The following MYH10 variants were observed in gnomAD, a reference collection of about 807,000 sequenced individuals.
The protein encoded by MYH10 is myosin heavy chain 10.
MYH10 carries 55 observed loss-of-function variants against 257.8 expected under a neutral mutation model. The ratio of observed to expected loss-of-function variants is 0.21; its 90% CI spans 0.17 to 0.27. The LOEUF (loss-of-function observed/expected upper bound fraction) is 0.27. Ranked by LOEUF, MYH10 falls within the 10% of genes least tolerant of loss-of-function variation. The pLI is 1.00. For missense variants in MYH10, 1,631 were observed against 2,500.6 expected, an observed-to-expected ratio of 0.65 and a Z score of 7.42; for synonymous variants, 854 against 921.7, an observed-to-expected ratio of 0.93 and a Z score of 1.33.
At chr17:8,548,436 AT>A (rs1310613774) in intron 10 of MYH10, 28 bp from the exon 11 acceptor site, 1 of 1,005,390 alleles carries the variant, frequency 9.9e-7, no homozygotes, top group African/African-American at 1.6e-5. Context: ...GAAAAAAAAA[AT>A]TAATATTGCC....
At chr17:8,478,486 G>A in intron 40 of MYH10, 40 bp from the exon 41 acceptor site, 1 of 1,583,616 alleles carries the variant, frequency 6.3e-7, no homozygotes, top group East Asian at 2.2e-5. Flanking sequence ...TTCTTGAAAT[G>A]GTATTTTGTG....
chr17:8,508,407 G>A (rs1013291749), intron 26 of MYH10, 147 bp downstream of exon 26: 1 of 1,126,720 alleles, frequency 8.9e-7, no homozygotes, highest in Non-Finnish European at 1.3e-6. Flanking sequence ...CCAGCCAAGG[G>A]ACCTATTTTA....
intron 2 of MYH10, among the ~76,000 whole-genome samples, chr17:8,613,541 T>C (rs1240218062): frequency 2.0e-5 from 3 of 152,180 alleles, no homozygotes; most frequent in African/African-American, 7.2e-5. Flanking sequence ...AGGATCCATG[T>C]TGGAATATGT....
At chr17:8,610,333 A>G (rs1351404190) in intron 2 of MYH10, among the ~76,000 whole-genome samples, 2 of 145,442 alleles carry the variant, frequency 1.4e-5, no homozygotes, top group African/African-American at 5.1e-5. Context: ...TCATGCTTGT[A>G]ACCCCAGCAC....
intron 7 of MYH10, 120 bp from the exon 8 acceptor site, chr17:8,554,138 T>A: frequency 6.3e-6 from 4 of 638,312 alleles, no homozygotes; most frequent in Non-Finnish European, 1.1e-5. Context: ...ATCTTATATA[T>A]TGCCTCAAAC....
chr17:8,546,541 T>G lies in MYH10; in HGVS notation c.1278+3A>C. 1 of 1,610,520 alleles carries G rather than the reference T, an allele frequency of 6.2e-7. No individual in the cohort carries two copies. The highest frequency in any genetic ancestry group is 8.5e-7 in the Non-Finnish European group (1 of 1,177,044). On this transcript the variant is annotated splice_donor_region_variant and intron_variant, in intron 12 of 42. Transcript: ENST00000360416. The stretch of plus-strand genomic sequence containing the variant: ...CAGTAATAACAATGAACATGAAACC[T>G]ACCTGTTCTTTGGTCTGGGCTTTTT...
At position 8,511,071 on chromosome 17, in the gene MYH10, T is replaced by TATATATATATATATATATATATAC. The variant is rs1336387130; in HGVS notation, c.2953-1123_2953-1122insGTATATATATATATATATATATAT. ...ATATATATATATATACACACATACA[T>TATATATATATATATATATATATAC]ACATACACACACACACACTTAATAT... On this transcript the variant is annotated intron_variant, in intron 24 of 42. Transcript: ENST00000360416. 2.4e-4 allele frequency: 20 copies of TATATATATATATATATATATATAC among 82,316 alleles called. No homozygotes were observed. The East Asian group carries it at 2.6e-3, about 11-fold the overall frequency. The allele number at this position is 82,316 out of a possible 1,614,324, so 5.1% of individuals were successfully genotyped here. A position where few individuals can be genotyped will look rare whatever the true frequency, so the allele number is the denominator to read the frequency against.
chr17:8,513,970 A>G, intron 21 of MYH10, 76 bp from the exon 22 acceptor site: 1 of 1,232,800 alleles, frequency 8.1e-7, no homozygotes, highest in Non-Finnish European at 1.2e-6. Context: ...AAGCCTTTCT[A>G]AAGGCCCGTG....
Position 8,506,519 on chromosome 17 carries a change from ACACAC to A in MYH10, c.3215-35_3215-31del, listed in dbSNP as rs2081078290. On this transcript the variant is annotated intron_variant, in intron 26 of 42. Coordinates refer to ENST00000360416, the MANE Select transcript of MYH10 (RefSeq NM_001256012.3). This position sits in a 1 kb window ranked among gnomAD's most constrained non-coding sequence, Gnocchi z 5.0. ...AAGGTAAGACATAAGAAGCTCTTCA[ACACAC>A]CGAGTGACTCACCACAGGAATAAAC... 6.3e-7 allele frequency: 1 copy of A among 1,596,648 alleles called. No homozygotes were observed. The highest frequency in any genetic ancestry group is 8.5e-7 in the Non-Finnish European group (1 of 1,174,792).
At chr17:8,482,775 A>G (rs1567771608) in intron 37 of MYH10, among the ~76,000 whole-genome samples, 1 of 152,222 alleles carries the variant, frequency 6.6e-6, no homozygotes, top group East Asian at 1.9e-4. Context: ...TTTCAGAAAA[A>G]ACAGTGTGGT....
intron 17 of MYH10, among the ~76,000 whole-genome samples, chr17:8,523,591 G>A (rs2081732034): frequency 6.6e-6 from 1 of 152,314 alleles, no homozygotes; most frequent in Middle Eastern, 3.4e-3. Context: ...AGGCACCAGT[G>A]TGAGGAGGAG....
rs879162852 is a variant in MYH10, at chr17:8,487,367, ACT to A, written c.5046+64_5046+65del. 4.4e-6 allele frequency: 7 copies of A among 1,590,692 alleles called. No individual in the cohort carries two copies. In the South Asian group the frequency reaches 7.8e-5, roughly 18 times the overall value. On this transcript the variant is annotated intron_variant, in intron 36 of 42. Coordinates refer to ENST00000360416, the MANE Select transcript of MYH10 (RefSeq NM_001256012.3). ...CTGTGCCCCCCAGCTTCACTGCTGG[ACT>A]CTGTGTAAAAGCCACATAGGTCACG...
chr17:8,509,959 AAC>A lies in MYH10; in HGVS notation c.2953-12_2953-11del, dbSNP rs748781709. 8 of 1,604,102 alleles carry A rather than the reference AAC, an allele frequency of 5.0e-6. No individual in the cohort carries two copies. The highest frequency in any genetic ancestry group is 1.7e-4 in the Middle Eastern group (1 of 6,034). On this transcript the variant is annotated splice_polypyrimidine_tract_variant and intron_variant, in intron 24 of 42. Transcript: ENST00000360416. ...GCTGTTCTTCCAGGTCCTTGTGAAG[AAC>A]ACACAGTCAGTCTCGCCACTTTCTC...
chr17:8,530,714 C>A (rs1197735810), intron 16 of MYH10, 29 bp from the exon 17 acceptor site: 8 of 1,505,372 alleles, frequency 5.3e-6, no homozygotes, highest in Non-Finnish European at 7.2e-6. Context: ...AAAAACAGGA[C>A]AGAAGAGCAA....
rs1190716850 is a variant in MYH10, at chr17:8,596,437, CCA to C, written c.503-7331_503-7330del. 5.4e-4 allele frequency among the ~76,000 whole-genome samples: 82 copies of C among 152,308 alleles called. 1 individual carries two copies. The highest frequency in any genetic ancestry group is 1.5e-3 in the African/African-American group (64 of 41,564). ...CCCAAGCTGGGATTATGGGCGTAAG[CCA>C]CTGTGCCTGGCCCATTTTCTGACTT... is the stretch of plus-strand genomic sequence containing the variant. On this transcript the variant is annotated intron_variant, in intron 3 of 42. Transcript: ENST00000360416.
intron 3 of MYH10, 117 bp from the exon 4 acceptor site, chr17:8,589,225 C>A: frequency 9.9e-7 from 1 of 1,010,750 alleles, no homozygotes. Flanking sequence ...CTACTCCTCT[C>A]GAGCCAAGTT....
At position 8,477,070 on chromosome 17, in the gene MYH10, A is replaced by C. The variant is rs1567759560; in HGVS notation, c.5707-22T>G. ...CCATCTTGGGGAGGGTACATGAACCAAAACAAACCAAACTGGTGAATCCAG... is the reference window on the plus strand; with the variant it reads ...CCATCTTGGGGAGGGTACATGAACCCAAACAAACCAAACTGGTGAATCCAG... On this transcript the variant is annotated intron_variant, in intron 41 of 42. Coordinates refer to ENST00000360416, the MANE Select transcript of MYH10 (RefSeq NM_001256012.3). This position sits in a 1 kb window ranked among gnomAD's most constrained non-coding sequence, Gnocchi z 4.2. 4 of 1,612,846 alleles carry C rather than the reference A, an allele frequency of 2.5e-6. No homozygotes were observed. Among genetic ancestry groups the C allele is most frequent in the Non-Finnish European group, 3.4e-6 (4 of 1,179,484 alleles).
chr17:8,623,226 G>C lies in MYH10; in HGVS notation c.21C>G (p.Leu7=), dbSNP rs376031789. ...CAAAGAGATACCTCTCTGGATCCTC[G>C]AGTCCAGTTCTCTGCGCCATTGTAA... The part of the protein sequence containing the change: MAQRTG[L]EDPERYLFVD... Residue 7 remains leucine (L), a synonymous_variant, in exon 2 of 43, where the codon CTC becomes CTG. Transcript: ENST00000360416. The C allele has an allele frequency of 1.0e-5, 16 of 1,596,228 alleles. No homozygotes were observed. In the African/African-American group the frequency reaches 1.2e-4, roughly 12 times the overall value.
chr17:8,576,195 C>T (rs1342750197), intron 6 of MYH10, among the ~76,000 whole-genome samples: 1 of 152,142 alleles, frequency 6.6e-6, no homozygotes, highest in African/African-American at 2.4e-5. Flanking sequence ...AAAACACATA[C>T]AGGCATAAAC....
Sources: gnomAD v4.1 joint callset for allele counts (sites outside exome capture counted in the v4.1 genomes callset) on GRCh38, gnomAD v4.1.1 for gene constraint, Gnocchi (gnomAD v3.1) non-coding constraint, MANE v1.5 for transcripts, NCBI Gene and HGNC (gene_info 2026-07-23, HGNC 2026-07-21) for gene names.